The following NEFL variants were observed in gnomAD, a reference collection of about 807,000 sequenced individuals.
The protein encoded by NEFL is neurofilament light polypeptide.
Under a neutral mutation model 51.6 loss-of-function variants are expected in NEFL, and 36 were observed. The observed-to-expected ratio is 0.70, with a 90% CI of 0.53 to 0.92. The LOEUF is 0.92. Ranked by LOEUF, NEFL falls within the 40% of genes least tolerant of loss-of-function variation. The pLI, the probability that NEFL is intolerant of heterozygous loss-of-function variation, is 0.00. For missense variants in NEFL, 671 were observed against 722.0 expected, an observed-to-expected ratio of 0.93 and a Z score of 0.81; for synonymous variants, 332 against 302.5, an observed-to-expected ratio of 1.10 and a Z score of -1.01.
rs760359146 is a variant in NEFL, at chr8:24,952,660, T to G, written c.*150A>C. 7 of 1,235,756 alleles carry G rather than the reference T, an allele frequency of 5.7e-6. No individual in the cohort carries two copies. Among genetic ancestry groups the G allele is most frequent in the Non-Finnish European group, 7.8e-6 (7 of 899,880 alleles). 76.5% of individuals were successfully genotyped at this position (1,235,756 alleles called of 1,614,324 possible). ...TAAAGAGGAAATTCATAGCACAACA[T>G]TGAATGTCCAACCTAAGTCATCTCA... On this transcript the variant is annotated 3_prime_UTR_variant, in exon 4 of 4. Coordinates refer to ENST00000610854, the MANE Select transcript of NEFL (RefSeq NM_006158.5).
rs778494323 is a variant in NEFL at position 24,956,438 on chromosome 8, G to A, written c.78C>T (p.Ile26=). ...RRYVETPRVH[I]SSVRSGYSTA... ...TGCTGTAGCCGCTGCGCACGCTGGA[G>A]ATGTGCACCCGGGGCGTCTCCACGT... Residue 26 remains isoleucine (I), a synonymous_variant, in exon 1 of 4, where the codon ATC becomes ATT. Transcript: ENST00000610854. This position sits in a 1 kb window ranked among gnomAD's most constrained non-coding sequence, Gnocchi z 5.9. The A allele has an allele frequency of 2.9e-5, 46 of 1,603,838 alleles. No homozygotes were observed. Among genetic ancestry groups the A allele is most frequent in the African/African-American group, 4.0e-5 (3 of 74,792 alleles).
chr8:24,953,092 G>GT (rs1748598305), intron 3 of NEFL, 140 bp from the exon 4 acceptor site: 5 of 1,065,232 alleles, frequency 4.7e-6, no homozygotes, highest in Non-Finnish European at 6.6e-6. Context: ...AAAAGCACAT[G>GT]TAACAGACAA....
At position 24,955,873 on chromosome 8, in the gene NEFL, T is replaced by C. The variant is rs1214085176; in HGVS notation, c.643A>G (p.Ser215Gly). ...ARAELEKRIDSLMDEISFLKK... is the reference protein window; with the variant it reads ...ARAELEKRIDGLMDEISFLKK... ...AGAAAAGAGATTTCGTCCATCAAGC[T>C]GTCGATGCGCTTCTCGAGCTCGGCG... Residue 215 changes from serine (S) to glycine (G), a missense_variant, in exon 1 of 4, where the codon AGC (serine) becomes GGC (glycine). Physicochemically the swap from Ser to Gly is moderately conservative, Grantham distance 56 (BLOSUM62 0). Transcript: ENST00000610854. The surrounding 1 kb of genome is among the most constrained non-coding windows in gnomAD (Gnocchi z 4.0). The C allele has an allele frequency of 1.9e-6, 3 of 1,608,222 alleles. No individual in the cohort carries two copies. Among genetic ancestry groups the C allele is most frequent in the Non-Finnish European group, 1.7e-6 (2 of 1,179,872 alleles).
Position 24,955,424 on chromosome 8 carries a change from C to A in NEFL, c.1044+48G>T. On this transcript the variant is annotated intron_variant, in intron 1 of 3. Transcript: ENST00000610854. The surrounding 1 kb of genome is among the most constrained non-coding windows in gnomAD (Gnocchi z 4.0). ...CCACTTTCTGGGCGCACCAACTCCC[C>A]CCCTTGCTCGAGTCCCCCGCCCCCC... The A allele has an allele frequency of 1.4e-6, 1 of 735,446 alleles. No homozygotes were observed. Among genetic ancestry groups the A allele is most frequent in the South Asian group, 1.6e-5 (1 of 60,670 alleles). The allele number at this position is 735,446 out of a possible 1,614,324, so 45.6% of individuals were successfully genotyped here. A position where few individuals can be genotyped will look rare whatever the true frequency, so the allele number is the denominator to read the frequency against.
At position 24,955,549 on chromosome 8, in the gene NEFL, G is replaced by T; in HGVS notation, c.967C>A (p.Arg323=). 6.2e-7 allele frequency: 1 copy of T among 1,613,348 alleles called. No homozygotes were observed. Among genetic ancestry groups the T allele is most frequent in the Non-Finnish European group, 8.5e-7 (1 of 1,179,850 alleles). The change falls in exon 1 of 4, where the codon CGG becomes AGG. Residue 323 remains arginine, a synonymous_variant. Transcript: ENST00000610854. This position sits in a 1 kb window ranked among gnomAD's most constrained non-coding sequence, Gnocchi z 4.0. ...TTCTCCAGCGCTTCATTCATGCCCC[G>T]GCATGCTTCGATTTCCAGGGTCTTG... is the stretch of plus-strand genomic sequence containing the variant. The part of the protein sequence containing the change: ...KAKTLEIEAC[R]GMNEALEKQL...
In NEFL at chr8:24,955,420, T is replaced by TGGGGGGGGGGGG; in HGVS notation, c.1044+51_1044+52insCCCCCCCCCCCC. The TGGGGGGGGGGGG allele has an allele frequency of 3.1e-6, 3 of 966,284 alleles. No homozygotes were observed. Among genetic ancestry groups the TGGGGGGGGGGGG allele is most frequent in the South Asian group, 1.6e-5 (1 of 63,590 alleles). The allele number at this position is 966,284 out of a possible 1,614,324, so 59.9% of individuals were successfully genotyped here. A position where few individuals can be genotyped will look rare whatever the true frequency, so the allele number is the denominator to read the frequency against. On this transcript the variant is annotated intron_variant, in intron 1 of 3. Transcript: ENST00000610854. This position sits in a 1 kb window ranked among gnomAD's most constrained non-coding sequence, Gnocchi z 4.0. ...GTCTCCACTTTCTGGGCGCACCAAC[T>TGGGGGGGGGGGG]CCCCCCCTTGCTCGAGTCCCCCGCC... is the stretch of plus-strand genomic sequence containing the variant.
Position 24,955,527 on chromosome 8 carries a change from T to G in NEFL, c.989A>C (p.Glu330Ala). The G allele has an allele frequency of 6.2e-7, 1 of 1,612,912 alleles. No homozygotes were observed. The highest frequency in any genetic ancestry group is 8.5e-7 in the Non-Finnish European group (1 of 1,179,756). The change falls in exon 1 of 4, where the codon GAG (glutamate) becomes GCG (alanine). Residue 330 changes from glutamate (E) to alanine (A), a missense_variant. Coordinates refer to ENST00000610854, the MANE Select transcript of NEFL (RefSeq NM_006158.5). This position sits in a 1 kb window ranked among gnomAD's most constrained non-coding sequence, Gnocchi z 4.0. The stretch of plus-strand genomic sequence containing the variant: ...GTCCTCCAGCTCCTGCAGCTGCTTC[T>G]CCAGCGCTTCATTCATGCCCCGGCA... ...EACRGMNEAL[E>A]KQLQELEDKQ...
At position 24,954,070 on chromosome 8, in the gene NEFL, A is replaced by G; in HGVS notation, c.1169+111T>C. On this transcript the variant is annotated intron_variant, in intron 2 of 3. Transcript: ENST00000610854. ...GGAAGAAGCCAAAAACTAACACTTC[A>G]TTATTTCAAAAGGACTATTATTGAA... is the stretch of plus-strand genomic sequence containing the variant. 2.0e-6 allele frequency: 3 copies of G among 1,494,492 alleles called. No homozygotes were observed. In the South Asian group the frequency reaches 3.7e-5, roughly 18 times the overall value. The allele number at this position is 1,494,492 out of a possible 1,614,324, so 92.6% of individuals were successfully genotyped here. A position where few individuals can be genotyped will look rare whatever the true frequency, so the allele number is the denominator to read the frequency against.
chr8:24,954,940 T>C (rs1803023286), intron 1 of NEFL, among the ~76,000 whole-genome samples: 1 of 150,110 alleles, frequency 6.7e-6, no homozygotes, highest in Admixed American at 6.6e-5. Context: ...TAAAAGGAAA[T>C]GGTTTACTAT....
chr8:24,953,460 T>G lies in NEFL; in HGVS notation c.1489+16A>C, dbSNP rs1802996677. Reference sequence around the variant, plus strand: ...CAGTTTACACTTGAAGTTGCAGGGGTTTTTTCTTATCATACCTTCTTCCTC... The same window carrying G: ...CAGTTTACACTTGAAGTTGCAGGGGGTTTTTCTTATCATACCTTCTTCCTC... On this transcript the variant is annotated intron_variant, in intron 3 of 3. Coordinates refer to ENST00000610854, the MANE Select transcript of NEFL (RefSeq NM_006158.5). The G allele has an allele frequency of 6.4e-7, 1 of 1,550,738 alleles. No individual in the cohort carries two copies. Among genetic ancestry groups the G allele is most frequent in the African/African-American group, 1.4e-5 (1 of 73,028 alleles).
Position 24,952,696 on chromosome 8 carries a change from T to C in NEFL, c.*114A>G. The C allele has an allele frequency of 4.7e-6, 7 of 1,499,888 alleles. No individual in the cohort carries two copies. In the South Asian group the frequency reaches 4.9e-5, roughly 10 times the overall value. 92.9% of individuals were successfully genotyped at this position (1,499,888 alleles called of 1,614,324 possible). On this transcript the variant is annotated 3_prime_UTR_variant, in exon 4 of 4. Transcript: ENST00000610854. ...ACCTAAGTCATCTCAGAATTATACA[T>C]ATATTGACTTTTTAATTCACATAGA...
In NEFL at chr8:24,956,300, G is replaced by T. The variant is rs1411798677; in HGVS notation, c.216C>A (p.Asp72Glu). Reference sequence around the variant, plus strand: ...TGCTGATGGCGGCTACCTGGCTCAGGTCGAGGTTCTCCAGACTGGGCATCA... The same window carrying T: ...TGCTGATGGCGGCTACCTGGCTCAGTTCGAGGTTCTCCAGACTGGGCATCA... ...GSLMPSLENLDLSQVAAISND... is the reference protein window; with the variant it reads ...GSLMPSLENLELSQVAAISND... Residue 72 changes from aspartate to glutamate, a missense_variant, in exon 1 of 4, where the codon GAC (aspartate) becomes GAA (glutamate). Physicochemically the swap from Asp to Glu is conservative, Grantham distance 45 (BLOSUM62 2). Transcript: ENST00000610854. This position sits in a 1 kb window ranked among gnomAD's most constrained non-coding sequence, Gnocchi z 5.9. 2 of 1,610,782 alleles carry T rather than the reference G, an allele frequency of 1.2e-6. No homozygotes were observed. The highest frequency in any genetic ancestry group is 2.7e-5 in the African/African-American group (2 of 74,864).
chr8:24,952,607 CACTCTGCAAGCAAACAGAT>C lies in NEFL; in HGVS notation c.*184_*202del. On this transcript the variant is annotated 3_prime_UTR_variant, in exon 4 of 4. Coordinates refer to ENST00000610854, the MANE Select transcript of NEFL (RefSeq NM_006158.5). Reference sequence around the variant, plus strand: ...ACAGGCTGGCAGCAAGCCAGAAAGCCACTCTGCAAGCAAACAGATACTCTGCATAAAGAGGAAATTCATA... The same window carrying C: ...ACAGGCTGGCAGCAAGCCAGAAAGCCACTCTGCATAAAGAGGAAATTCATA... 1.3e-6 allele frequency: 1 copy of C among 777,542 alleles called. No homozygotes were observed. The highest frequency in any genetic ancestry group is 2.0e-6 in the Non-Finnish European group (1 of 506,562). 48.2% of individuals were successfully genotyped at this position (777,542 alleles called of 1,614,324 possible).
chr8:24,955,231 G>C lies in NEFL; in HGVS notation c.1044+241C>G. 1.9e-6 allele frequency: 1 copy of C among 520,644 alleles called. No individual in the cohort carries two copies. Among genetic ancestry groups the C allele is most frequent in the Non-Finnish European group, 3.4e-6 (1 of 297,578 alleles). The allele number at this position is 520,644 out of a possible 1,614,324, so 32.3% of individuals were successfully genotyped here. On this transcript the variant is annotated intron_variant, in intron 1 of 3. Transcript: ENST00000610854. The surrounding 1 kb of genome is among the most constrained non-coding windows in gnomAD (Gnocchi z 4.0). ...GTCTTCCCCTCCCCCACCCAACAAG[G>C]GCTGGGCAGCTTTAATGCGGAACGC... is the stretch of plus-strand genomic sequence containing the variant.
chr8:24,956,210 G>A lies in NEFL; in HGVS notation c.306C>T (p.Ala102=), dbSNP rs772925112. 1.2e-6 allele frequency: 2 copies of A among 1,611,178 alleles called. No individual in the cohort carries two copies. Among genetic ancestry groups the A allele is most frequent in the Non-Finnish European group, 1.7e-6 (2 of 1,178,830 alleles). The change falls in exon 1 of 4, where the codon GCC becomes GCT. Residue 102 remains alanine, a synonymous_variant. Coordinates refer to ENST00000610854, the MANE Select transcript of NEFL (RefSeq NM_006158.5). This position sits in a 1 kb window ranked among gnomAD's most constrained non-coding sequence, Gnocchi z 5.9. ...GCTCGTGCACGCGCTCGATGAAGCT[G>A]GCGAAGCGGTCATTGAGGTCCTGGA... The part of the protein sequence containing the change: ...AQLQDLNDRF[A]SFIERVHELE...
chr8:24,955,427 C>A lies in NEFL; in HGVS notation c.1044+45G>T, dbSNP rs370284055. The A allele has an allele frequency of 1.4e-5, 15 of 1,036,610 alleles. No homozygotes were observed. Among genetic ancestry groups the A allele is most frequent in the Non-Finnish European group, 2.1e-5 (15 of 698,996 alleles). 64.2% of individuals were successfully genotyped at this position (1,036,610 alleles called of 1,614,324 possible). On this transcript the variant is annotated intron_variant, in intron 1 of 3. Transcript: ENST00000610854. The surrounding 1 kb of genome is among the most constrained non-coding windows in gnomAD (Gnocchi z 4.0). ...CTTTCTGGGCGCACCAACTCCCCCC[C>A]TTGCTCGAGTCCCCCGCCCCCCTGT...
rs1803046250 is a variant in NEFL at position 24,956,000 on chromosome 8, G to A, written c.516C>T (p.Arg172=). ...GEREGLEETL[R]NLQARYEEEV... Reference sequence around the variant, plus strand: ...CCTCTTCATAGCGCGCCTGCAGGTTGCGCAGGGTCTCCTCCAGCCCTTCGC... The same window carrying A: ...CCTCTTCATAGCGCGCCTGCAGGTTACGCAGGGTCTCCTCCAGCCCTTCGC... Residue 172 remains arginine, a synonymous_variant, in exon 1 of 4, where the codon CGC becomes CGT. Coordinates refer to ENST00000610854, the MANE Select transcript of NEFL (RefSeq NM_006158.5). The surrounding 1 kb of genome is among the most constrained non-coding windows in gnomAD (Gnocchi z 4.0). 3.1e-6 allele frequency: 5 copies of A among 1,604,264 alleles called. No individual in the cohort carries two copies. Among genetic ancestry groups the A allele is most frequent in the Non-Finnish European group, 4.2e-6 (5 of 1,179,180 alleles).
chr8:24,953,022 G>A, intron 3 of NEFL, 70 bp from the exon 4 acceptor site: 2 of 1,500,752 alleles, frequency 1.3e-6, no homozygotes, highest in Non-Finnish European at 1.8e-6. Context: ...GTCTGCAAAG[G>A]TTTTATTTGC....
Position 24,955,421 on chromosome 8 carries a change from C to G in NEFL, c.1044+51G>C. On this transcript the variant is annotated intron_variant, in intron 1 of 3. Transcript: ENST00000610854. This position sits in a 1 kb window ranked among gnomAD's most constrained non-coding sequence, Gnocchi z 4.0. ...TCTCCACTTTCTGGGCGCACCAACTCCCCCCCTTGCTCGAGTCCCCCGCCC... is the reference window on the plus strand; with the variant it reads ...TCTCCACTTTCTGGGCGCACCAACTGCCCCCCTTGCTCGAGTCCCCCGCCC... 124 of 581,448 alleles carry G rather than the reference C, an allele frequency of 2.1e-4. No homozygotes were observed. The highest frequency in any genetic ancestry group is 3.5e-4 in the Non-Finnish European group (111 of 321,064). 36.0% of individuals were successfully genotyped at this position (581,448 alleles called of 1,614,324 possible).
Sources: gnomAD v4.1 joint callset for allele counts (sites outside exome capture counted in the v4.1 genomes callset) on GRCh38, gnomAD v4.1.1 for gene constraint, Gnocchi (gnomAD v3.1) non-coding constraint, MANE v1.5 for transcripts, NCBI Gene and HGNC (gene_info 2026-07-23, HGNC 2026-07-21) for gene names.